Variants in CCSER1 observed in about 807,000 individuals in gnomAD.
CCSER1 encodes serine-rich coiled-coil domain-containing protein 1.
Under a neutral mutation model 82.0 loss-of-function variants are expected in CCSER1, and 41 were observed. That is an observed-to-expected ratio of 0.50 (90% CI 0.39 to 0.65). The LOEUF is 0.65. Among genes scored for constraint, CCSER1 ranks in the 30% least tolerant of loss-of-function variants. The pLI is 0.00. For synonymous variants in CCSER1, 414 were observed against 383.9 expected (o/e 1.08, Z -0.92); for missense variants, 1,119 against 1,064.2 (o/e 1.05, Z -0.72).
intron 3 of CCSER1, among the ~76,000 whole-genome samples, chr4:90,376,162 G>A (rs1003205906): frequency 1.3e-5 from 2 of 152,162 alleles, no homozygotes; most frequent in Non-Finnish European, 2.9e-5. Context: ...ATCTTCAGAT[G>A]ACTGCAGAGA....
chr4:90,612,353 T>C (rs905229305), intron 5 of CCSER1, among the ~76,000 whole-genome samples: 5 of 152,186 alleles, frequency 3.3e-5, no homozygotes, highest in Non-Finnish European at 7.4e-5. Flanking sequence ...GAACGGGGTA[T>C]ATTTCATCAC....
At chr4:91,153,943 G>A (rs1730532019) in intron 10 of CCSER1, among the ~76,000 whole-genome samples, 1 of 152,016 alleles carries the variant, frequency 6.6e-6, no homozygotes, top group Non-Finnish European at 1.5e-5. Context: ...TCCCAGTTAG[G>A]CTACTCATGG....
At chr4:91,548,477 T>G (rs1761996397) in intron 10 of CCSER1, among the ~76,000 whole-genome samples, 1 of 152,170 alleles carries the variant, frequency 6.6e-6, no homozygotes, top group East Asian at 1.9e-4. Flanking sequence ...GACTCAAGTT[T>G]CTAGTCTGTA....
chr4:91,548,859 G>C (rs1336499295), intron 10 of CCSER1, among the ~76,000 whole-genome samples: 1 of 151,768 alleles, frequency 6.6e-6, no homozygotes, highest in African/African-American at 2.4e-5. Context: ...CAATTATCCT[G>C]CTTGGTATTC....
chr4:90,629,234 A>G (rs1422040447), intron 6 of CCSER1, among the ~76,000 whole-genome samples: 1 of 152,194 alleles, frequency 6.6e-6, no homozygotes, highest in Non-Finnish European at 1.5e-5. Context: ...TGAATGCCAT[A>G]GACTATTGGG....
intron 10 of CCSER1, among the ~76,000 whole-genome samples, chr4:91,436,074 C>G (rs773415459): frequency 1.3e-5 from 2 of 152,330 alleles, no homozygotes; most frequent in African/African-American, 2.4e-5. Flanking sequence ...AATTATATCA[C>G]TGTAGTTACA....
intron 10 of CCSER1, among the ~76,000 whole-genome samples, chr4:91,123,562 A>C (rs1329540061): frequency 6.6e-6 from 1 of 151,766 alleles, no homozygotes; most frequent in South Asian, 2.1e-4. Flanking sequence ...ACAAAACATG[A>C]CGAAATATTT....
At chr4:90,674,691 C>A (rs1221544981) in intron 6 of CCSER1, among the ~76,000 whole-genome samples, 1 of 151,782 alleles carries the variant, frequency 6.6e-6, no homozygotes, top group Non-Finnish European at 1.5e-5. Flanking sequence ...AGGTCACATT[C>A]CTGTTATGTT....
chr4:91,150,463 C>A (rs751943690), intron 10 of CCSER1, among the ~76,000 whole-genome samples: 1 of 152,096 alleles, frequency 6.6e-6, no homozygotes, highest in South Asian at 2.1e-4. Context: ...TAATTGAATA[C>A]GCTTTATTTC....
intron 1 of CCSER1, among the ~76,000 whole-genome samples, chr4:90,275,418 G>C (rs1727365252): frequency 6.6e-6 from 1 of 152,022 alleles, no homozygotes; most frequent in African/African-American, 2.4e-5. Context: ...ATACTGAAGA[G>C]GTTAATTTTG....
rs562518499 is a variant in CCSER1, at chr4:91,243,783, G to A, written c.2217+157789G>A. Among the ~76,000 whole-genome samples, 6 of 152,290 alleles carry A rather than the reference G, an allele frequency of 3.9e-5. No homozygotes were observed. The South Asian group carries it at 6.2e-4, about 16-fold the overall frequency. The stretch of plus-strand genomic sequence containing the variant: ...CAGTAATACCCACGGAGTATGTGGT[G>A]GGCCTTTGCCTCTGAGACATGCTGG... On this transcript the variant is annotated intron_variant, in intron 10 of 10. Transcript: ENST00000509176.
intron 7 of CCSER1, among the ~76,000 whole-genome samples, chr4:90,778,869 G>C (rs1360080654): frequency 6.6e-6 from 1 of 151,912 alleles, no homozygotes; most frequent in East Asian, 1.9e-4. Flanking sequence ...TTGATAACTT[G>C]GTAAAAATTG....
At chr4:90,987,422 T>C (rs1736663860) in intron 9 of CCSER1, among the ~76,000 whole-genome samples, 1 of 151,562 alleles carries the variant, frequency 6.6e-6, no homozygotes, top group Non-Finnish European at 1.5e-5. Context: ...GTTCTAGACT[T>C]GCCTTCTCCT....
intron 6 of CCSER1, among the ~76,000 whole-genome samples, chr4:90,630,578 A>T (rs1345661639): frequency 6.6e-6 from 1 of 152,110 alleles, no homozygotes; most frequent in East Asian, 1.9e-4. Context: ...TGTGCAGCCC[A>T]TTCAGTGAGC....
At chr4:90,909,686 C>G (rs1239305200) in intron 8 of CCSER1, among the ~76,000 whole-genome samples, 2 of 152,052 alleles carry the variant, frequency 1.3e-5, no homozygotes, top group African/African-American at 2.4e-5. Flanking sequence ...TTTTATGTCC[C>G]TCTTTACGAG....
chr4:91,499,381 TA>T (rs113696063), intron 10 of CCSER1, among the ~76,000 whole-genome samples: 4,532 of 152,016 alleles, frequency 0.03, 137 homozygotes, highest in African/African-American at 0.083. Context: ...AGATTTCCCA[TA>T]TAATCCCTGC....
At chr4:90,229,672 T>C (rs1044617973) in intron 1 of CCSER1, among the ~76,000 whole-genome samples, 1 of 152,110 alleles carries the variant, frequency 6.6e-6, no homozygotes, top group Non-Finnish European at 1.5e-5. Context: ...AGACACAGAC[T>C]GGCAAATTGG....
intron 10 of CCSER1, among the ~76,000 whole-genome samples, chr4:91,146,919 G>A (rs1729599457): frequency 6.6e-6 from 1 of 152,158 alleles, no homozygotes; most frequent in Non-Finnish European, 1.5e-5. Flanking sequence ...GAGACAGAGG[G>A]CAGGAGAGGA....
intron 1 of CCSER1, among the ~76,000 whole-genome samples, chr4:90,227,845 C>T (rs895387858): frequency 1.5e-4 from 23 of 152,202 alleles, no homozygotes; most frequent in African/African-American, 5.5e-4. Flanking sequence ...CTTTCCTAGT[C>T]AAAGAAAGGG....
Sources: gnomAD v4.1 joint callset for allele counts (sites outside exome capture counted in the v4.1 genomes callset) on GRCh38, gnomAD v4.1.1 for gene constraint, MANE v1.5 for transcripts, NCBI Gene and HGNC (gene_info 2026-07-23, HGNC 2026-07-21) for gene names.